EML1: variants seen among roughly 807,000 people sequenced by gnomAD.
The protein encoded by EML1 is EMAP like 1, also known as echinoderm microtubule-associated protein-like 1.
A neutral mutation model predicts 110.4 loss-of-function variants in EML1; 27 were observed. That is an observed-to-expected ratio of 0.24 (90% confidence interval 0.18 to 0.34). The LOEUF is 0.34. Ranked by LOEUF, EML1 falls within the 10% of genes least tolerant of loss-of-function variation. EML1 has a pLI of 1.00. For missense variants in EML1, 741 were observed against 1,030.9 expected, an observed-to-expected ratio of 0.72 and a Z score of 3.85; for synonymous variants, 344 against 385.8, an observed-to-expected ratio of 0.89 and a Z score of 1.27.
chr14:99,929,832 G>A lies in EML1; in HGVS notation c.1910-6197G>A, dbSNP rs912384696. Among the ~76,000 whole-genome samples the A allele has an allele frequency of 3.9e-5, 6 of 152,318 alleles. No homozygotes were observed. In the South Asian group the frequency reaches 6.2e-4, roughly 16 times the overall value. On this transcript the variant is annotated intron_variant, in intron 17 of 21. Coordinates refer to ENST00000262233, the MANE Select transcript of EML1 (RefSeq NM_004434.3). Reference sequence around the variant, plus strand: ...CATCTCCAAGGTAGCAGCACCCTGCGCTGCCATGTGCTAAGAAGGGAAACC... The same window carrying A: ...CATCTCCAAGGTAGCAGCACCCTGCACTGCCATGTGCTAAGAAGGGAAACC...
intron 1 of EML1, among the ~76,000 whole-genome samples, chr14:99,801,810 C>T (rs1364967979): frequency 2.0e-5 from 3 of 152,116 alleles, no homozygotes; most frequent in Non-Finnish European, 2.9e-5. Context: ...AAGCAGTCTT[C>T]CTAACTCTAG....
At chr14:99,745,078 T>A (rs2057090001) in intron 1 of EML1, among the ~76,000 whole-genome samples, 1 of 152,204 alleles carries the variant, frequency 6.6e-6, no homozygotes, top group South Asian at 2.1e-4. Context: ...AGTTGACTTT[T>A]TTTTTTGAGA....
chr14:99,891,101 T>A, intron 4 of EML1, 98 bp from the exon 5 acceptor site: 1 of 1,368,122 alleles, frequency 7.3e-7, no homozygotes, highest in Non-Finnish European at 1.0e-6. Flanking sequence ...GCAGCATTTG[T>A]GTGGCAGACT....
At chr14:99,810,892 T>G (rs2058064189) in intron 1 of EML1, among the ~76,000 whole-genome samples, 1 of 152,222 alleles carries the variant, frequency 6.6e-6, no homozygotes, top group South Asian at 2.1e-4. Flanking sequence ...CTTGATGTAA[T>G]CATCCACATA....
At chr14:99,848,663 T>A (rs1235335022) in intron 1 of EML1, among the ~76,000 whole-genome samples, 1 of 152,146 alleles carries the variant, frequency 6.6e-6, no homozygotes, top group Non-Finnish European at 1.5e-5. Flanking sequence ...AATTTCTGTC[T>A]TTAAAAGTTT....
At chr14:99,854,954 G>A (rs995482676) in intron 2 of EML1, among the ~76,000 whole-genome samples, 1 of 152,180 alleles carries the variant, frequency 6.6e-6, no homozygotes, top group Non-Finnish European at 1.5e-5. Context: ...TGATGGATGA[G>A]TAAGGGAATT....
chr14:99,914,856 T>C (rs2140064178), intron 15 of EML1, 159 bp downstream of exon 15: 1 of 963,352 alleles, frequency 1.0e-6, no homozygotes, highest in Non-Finnish European at 1.5e-6. Context: ...CATTTAACAG[T>C]GTTACTTTTA....
upstream of EML1, among the ~76,000 whole-genome samples, chr14:99,769,544 G>A (rs1445310861): frequency 1.3e-5 from 2 of 152,186 alleles, no homozygotes; most frequent in Non-Finnish European, 1.5e-5. Context: ...GAGCAGACAG[G>A]TCAGTTTCAA....
chr14:99,933,236 C>T lies in EML1; in HGVS notation c.1910-2793C>T, dbSNP rs140495145. ...TGTCGCCCAGGCTAGAGTGCAGTGG[C>T]GCAATCTCGGCTCACTGCAACCTCT... On this transcript the variant is annotated intron_variant, in intron 17 of 21. Coordinates refer to ENST00000262233, the MANE Select transcript of EML1 (RefSeq NM_004434.3). Among the ~76,000 whole-genome samples, 246 of 152,248 alleles carry T rather than the reference C, an allele frequency of 1.6e-3. 3 individuals carry two copies. Among genetic ancestry groups the T allele is most frequent in the African/African-American group, 5.4e-3 (223 of 41,548 alleles).
rs559480809 is a variant in EML1, at chr14:99,816,454, C to T, written c.67+22911C>T. 9.8e-5 allele frequency among the ~76,000 whole-genome samples: 15 copies of T among 152,364 alleles called. No homozygotes were observed. The East Asian group carries it at 2.7e-3, about 27-fold the overall frequency. ...ATGGGATTATAGGCGTGAGCCACCGCACCCAGCCCATGTTTGATTTGATTC... is the reference window on the plus strand; with the variant it reads ...ATGGGATTATAGGCGTGAGCCACCGTACCCAGCCCATGTTTGATTTGATTC... On this transcript the variant is annotated intron_variant, in intron 1 of 21. Coordinates refer to ENST00000262233, the MANE Select transcript of EML1 (RefSeq NM_004434.3).
intron 1 of EML1, among the ~76,000 whole-genome samples, chr14:99,795,757 A>G (rs1192763479): frequency 6.6e-6 from 1 of 152,248 alleles, no homozygotes; most frequent in Non-Finnish European, 1.5e-5. Context: ...TTACATTACA[A>G]TGGCAAGACA....
At chr14:99,803,224 A>T (rs2139689414) in intron 1 of EML1, among the ~76,000 whole-genome samples, 1 of 152,298 alleles carries the variant, frequency 6.6e-6, no homozygotes, top group Middle Eastern at 3.4e-3. Flanking sequence ...GCACCTCCTC[A>T]AACACACGCA....
intron 1 of EML1, among the ~76,000 whole-genome samples, chr14:99,796,936 T>TGTGTGTGTGA (rs368044152): frequency 7.3e-5 from 11 of 150,030 alleles, no homozygotes; most frequent in African/African-American, 1.7e-4. Context: ...TGTGTGTGTG[T>TGTGTGTGTGA]GAGAGAGTAA....
chr14:99,884,203 G>A (rs1217670865), intron 4 of EML1, among the ~76,000 whole-genome samples: 1 of 152,190 alleles, frequency 6.6e-6, no homozygotes, highest in Non-Finnish European at 1.5e-5. Context: ...GACTGTTGGA[G>A]TTGAGGCCTG....
At position 99,908,809 on chromosome 14, in the gene EML1, G is replaced by A. The variant is rs147910994; in HGVS notation, c.1105-536G>A. ...GTCAATCGCAGGAGGAACTCCCTGG[G>A]GAAACGGGCAGCCAGAGTCAGCCAC... On this transcript the variant is annotated intron_variant, in intron 10 of 21. Coordinates refer to ENST00000262233, the MANE Select transcript of EML1 (RefSeq NM_004434.3). 5.9e-3 allele frequency among the ~76,000 whole-genome samples: 893 copies of A among 152,296 alleles called. 2 individuals are homozygous for A. Among genetic ancestry groups the A allele is most frequent in the African/African-American group, 0.02 (838 of 41,556 alleles).
In EML1 at chr14:99,941,298, G is replaced by A. The variant is rs1411716225; in HGVS notation, c.*1186G>A. ...AGAAGAGTAATAAACAGACTTTAAA[G>A]CAAATATTAAGATTTTTACTCATTC... On this transcript the variant is annotated 3_prime_UTR_variant, in exon 22 of 22. Transcript: ENST00000262233. 1 of 152,198 alleles carries A rather than the reference G, an allele frequency of 6.6e-6. No individual in the cohort carries two copies. The highest frequency in any genetic ancestry group is 2.4e-5 in the African/African-American group (1 of 41,442). 9.4% of individuals were successfully genotyped at this position (152,198 alleles called of 1,614,324 possible).
intron 1 of EML1, among the ~76,000 whole-genome samples, chr14:99,754,040 C>T (rs929511338): frequency 3.3e-5 from 5 of 152,216 alleles, no homozygotes; most frequent in Admixed American, 3.3e-4. Context: ...GCTGCTGCAT[C>T]ACTGGCAGCT....
intron 1 of EML1, among the ~76,000 whole-genome samples, chr14:99,848,288 A>G (rs1201440661): frequency 6.6e-6 from 1 of 152,122 alleles, no homozygotes; most frequent in African/African-American, 2.4e-5. Context: ...CATGAGATCT[A>G]TTGTACAACA....
chr14:99,799,472 A>G (rs1458741509), intron 1 of EML1, among the ~76,000 whole-genome samples: 1 of 152,248 alleles, frequency 6.6e-6, no homozygotes, highest in African/African-American at 2.4e-5. Flanking sequence ...CCTCTTTTGC[A>G]TTCTCATGCA....
Sources: allele counts gnomAD v4.1 joint callset (sites outside exome capture counted in the v4.1 genomes callset), GRCh38; gene constraint gnomAD v4.1.1; transcripts MANE v1.5; gene names NCBI Gene and HGNC (gene_info 2026-07-23, HGNC 2026-07-21).